NR3C2: variants seen among roughly 807,000 people sequenced by gnomAD.
NR3C2 encodes nuclear receptor subfamily 3 group C member 2, also known as mineralocorticoid receptor.
In NR3C2, 15 loss-of-function variants were observed where a neutral mutation model predicts 86.4. That is an observed-to-expected ratio of 0.17 (90% CI 0.12 to 0.27). NR3C2 has a LOEUF of 0.27. Ranked by LOEUF, NR3C2 falls within the 10% of genes least tolerant of loss-of-function variation. NR3C2 has a pLI of 1.00. For synonymous variants in NR3C2, 458 were observed against 450.5 expected, an observed-to-expected ratio of 1.02 and a Z score of -0.21; for missense variants, 960 against 1,195.6, an observed-to-expected ratio of 0.80 and a Z score of 2.91.
intron 2 of NR3C2, among the ~76,000 whole-genome samples, chr4:148,375,010 A>C (rs1209280549): frequency 6.6e-6 from 1 of 152,264 alleles, no homozygotes; most frequent in African/African-American, 2.4e-5. Flanking sequence ...ATATGTTGTC[A>C]CGTGGCTACT....
intron 2 of NR3C2, among the ~76,000 whole-genome samples, chr4:148,285,225 T>A (rs1362694229): frequency 6.6e-6 from 1 of 152,188 alleles, no homozygotes; most frequent in Non-Finnish European, 1.5e-5. Context: ...GCCTTTATCA[T>A]GGACATGAAA....
chr4:148,233,113 A>G (rs1167652675), intron 3 of NR3C2, among the ~76,000 whole-genome samples: 1 of 152,204 alleles, frequency 6.6e-6, no homozygotes, highest in Non-Finnish European at 1.5e-5. Flanking sequence ...AAATTAAACC[A>G]GCCACATGGT....
At chr4:148,332,951 A>G (rs1744301906) in intron 2 of NR3C2, among the ~76,000 whole-genome samples, 1 of 152,136 alleles carries the variant, frequency 6.6e-6, no homozygotes, top group Admixed American at 6.5e-5. Context: ...AAAAAATAAC[A>G]AGACACACAC....
At chr4:148,209,196 A>T (rs1446752060) in intron 3 of NR3C2, among the ~76,000 whole-genome samples, 2 of 151,876 alleles carry the variant, frequency 1.3e-5, no homozygotes, top group African/African-American at 4.8e-5. Context: ...GTGAGCCGAA[A>T]TAGTGCGACT....
intron 2 of NR3C2, among the ~76,000 whole-genome samples, chr4:148,370,014 T>A (rs1426858095): frequency 6.6e-6 from 1 of 152,178 alleles, no homozygotes; most frequent in Non-Finnish European, 1.5e-5. Flanking sequence ...TATTCCGAGA[T>A]GATGCAGCCA....
chr4:148,400,251 A>ATAC (rs1489752488), intron 2 of NR3C2, among the ~76,000 whole-genome samples: 5 of 152,148 alleles, frequency 3.3e-5, no homozygotes, highest in Admixed American at 6.5e-5. Flanking sequence ...TATCTACATG[A>ATAC]AGTGGGGAGC....
chr4:148,418,369 G>C (rs1749112844), intron 2 of NR3C2, among the ~76,000 whole-genome samples: 2 of 152,136 alleles, frequency 1.3e-5, no homozygotes, highest in African/African-American at 4.8e-5. Flanking sequence ...CATGGAGCAT[G>C]TGATATATGT....
chr4:148,425,378 G>A (rs1417025796), intron 2 of NR3C2, among the ~76,000 whole-genome samples: 1 of 152,192 alleles, frequency 6.6e-6, no homozygotes, highest in African/African-American at 2.4e-5. Flanking sequence ...CAAAGAAGGT[G>A]ATGTGTTAGA....
chr4:148,165,783 TAAC>T (rs969227111), intron 4 of NR3C2, among the ~76,000 whole-genome samples: 7 of 152,214 alleles, frequency 4.6e-5, no homozygotes, highest in African/African-American at 1.7e-4. Context: ...ACAATTGTTT[TAAC>T]AGTCTGTATT....
intron 3 of NR3C2, among the ~76,000 whole-genome samples, chr4:148,197,139 CTAAATACTAATTTGCAATA>C (rs1400470663): frequency 6.6e-6 from 1 of 152,122 alleles, no homozygotes; most frequent in Non-Finnish European, 1.5e-5. Context: ...AGAGGTTTTT[CTAAATACTAATTTGCAATA>C]TAATTTACTG....
At chr4:148,420,626 G>A (rs1168295214) in intron 2 of NR3C2, among the ~76,000 whole-genome samples, 1 of 152,138 alleles carries the variant, frequency 6.6e-6, no homozygotes, top group Non-Finnish European at 1.5e-5. Flanking sequence ...CACATACCCA[G>A]TGACATAGTT....
In NR3C2 at chr4:148,369,256, T is replaced by A. The variant is rs541432279; in HGVS notation, c.1757+65848A>T. Reference sequence around the variant, plus strand: ...TTAGCGATTTTTTATGGCTTCAAAATGCTTGTTACAAATTGACAAAATGAA... The same window carrying A: ...TTAGCGATTTTTTATGGCTTCAAAAAGCTTGTTACAAATTGACAAAATGAA... On this transcript the variant is annotated intron_variant, in intron 2 of 8. Coordinates refer to ENST00000358102, the MANE Select transcript of NR3C2 (RefSeq NM_000901.5). Among the ~76,000 whole-genome samples, 6 of 152,340 alleles carry A rather than the reference T, an allele frequency of 3.9e-5. No individual in the cohort carries two copies. In the South Asian group the frequency reaches 1.2e-3, roughly 32 times the overall value.
At chr4:148,320,774 C>A (rs1304954094) in intron 2 of NR3C2, among the ~76,000 whole-genome samples, 1 of 150,612 alleles carries the variant, frequency 6.6e-6, no homozygotes, top group East Asian at 2.0e-4. Context: ...CTCTTTTTTT[C>A]TTTATTAGTC....
At chr4:148,365,470 G>A (rs1209987201) in intron 2 of NR3C2, among the ~76,000 whole-genome samples, 3 of 152,010 alleles carry the variant, frequency 2.0e-5, no homozygotes, top group Admixed American at 2.0e-4. Context: ...TTAGTGCCAT[G>A]GATCTTTTGG....
chr4:148,380,027 T>TAA (rs1746886581), intron 2 of NR3C2, among the ~76,000 whole-genome samples: 1 of 152,218 alleles, frequency 6.6e-6, no homozygotes, highest in Non-Finnish European at 1.5e-5. Flanking sequence ...GTAATTAGGG[T>TAA]AAATATAATG....
intron 8 of NR3C2, among the ~76,000 whole-genome samples, chr4:148,113,507 G>T (rs1732134894): frequency 6.6e-6 from 1 of 151,276 alleles, no homozygotes; most frequent in African/African-American, 2.5e-5. Context: ...TTGTTCCAAA[G>T]GTTATTTGAA....
chr4:148,157,268 C>A (rs1304908969), intron 4 of NR3C2, among the ~76,000 whole-genome samples: 1 of 151,744 alleles, frequency 6.6e-6, no homozygotes, highest in Admixed American at 6.6e-5. Context: ...AACTAACCTG[C>A]ACATTGTGCA....
At chr4:148,441,345 A>G (rs979187611) in intron 1 of NR3C2, among the ~76,000 whole-genome samples, 2 of 152,358 alleles carry the variant, frequency 1.3e-5, no homozygotes, top group Admixed American at 1.3e-4. Flanking sequence ...TGCTGTTATC[A>G]TTACTATGTA....
intron 2 of NR3C2, among the ~76,000 whole-genome samples, chr4:148,367,546 T>C (rs1746209529): frequency 6.6e-6 from 1 of 152,174 alleles, no homozygotes; most frequent in African/African-American, 2.4e-5. Context: ...TAAACATAGA[T>C]ATTAGCCTGA....
Sources: allele counts gnomAD v4.1 joint callset (sites outside exome capture counted in the v4.1 genomes callset), GRCh38; gene constraint gnomAD v4.1.1; transcripts MANE v1.5; gene names NCBI Gene and HGNC (gene_info 2026-07-23, HGNC 2026-07-21).